SNX14: variants seen among roughly 807,000 people sequenced by gnomAD.
The protein encoded by SNX14 is sorting nexin-14.
Under a neutral mutation model 133.8 loss-of-function variants are expected in SNX14, and 93 were observed. The ratio of observed to expected loss-of-function variants is 0.70; its 90% confidence interval spans 0.59 to 0.83. SNX14 has a LOEUF of 0.83. Among genes scored for constraint, SNX14 ranks in the 40% least tolerant of loss-of-function variants. The pLI is 0.00. For synonymous variants in SNX14, 368 were observed against 365.6 expected (o/e 1.01, Z -0.07); for missense variants, 945 against 1,094.9 (o/e 0.86, Z 1.93).
chr6:85,549,958 G>C, intron 7 of SNX14, 79 bp from the exon 8 acceptor site: 1 of 1,293,636 alleles, frequency 7.7e-7, no homozygotes, highest in Non-Finnish European at 1.1e-6. Flanking sequence ...ACAAATAGAA[G>C]AGCATGGGCT....
chr6:85,582,643 T>C (rs1187464677), intron 1 of SNX14, among the ~76,000 whole-genome samples: 1 of 152,060 alleles, frequency 6.6e-6, no homozygotes, highest in Non-Finnish European at 1.5e-5. Flanking sequence ...GAGAATACTA[T>C]AAACACATCT....
At chr6:85,573,653 A>G (rs1228145881) in intron 2 of SNX14, among the ~76,000 whole-genome samples, 3 of 152,184 alleles carry the variant, frequency 2.0e-5, no homozygotes, top group East Asian at 3.9e-4. Flanking sequence ...GAAGCACACA[A>G]ACATTTAAGA....
At chr6:85,508,272 A>T in intron 26 of SNX14, 1 of 1,129,234 alleles carries the variant, frequency 8.9e-7, no homozygotes, top group Non-Finnish European at 1.1e-6. Context: ...CCATTTTTGG[A>T]GATTCACAAT....
rs141979500 is a variant in SNX14 at position 85,522,940 on chromosome 6, A to G, written c.2107+3186T>C. 1.8e-3 allele frequency among the ~76,000 whole-genome samples: 269 copies of G among 152,292 alleles called. 4 individuals carry two copies. The highest frequency in any genetic ancestry group is 6.4e-3 in the African/African-American group (264 of 41,546). On this transcript the variant is annotated intron_variant, in intron 21 of 28. Transcript: ENST00000314673. Reference sequence around the variant, plus strand: ...CCTGCCGATTTCTATTAATCTTTCAAGATTAGACAAATGATACCTTCCTAA... The same window carrying G: ...CCTGCCGATTTCTATTAATCTTTCAGGATTAGACAAATGATACCTTCCTAA...
intron 1 of SNX14, among the ~76,000 whole-genome samples, chr6:85,577,950 G>A (rs1367567073): frequency 1.3e-5 from 2 of 152,178 alleles, no homozygotes; most frequent in East Asian, 1.9e-4. Flanking sequence ...AGGCTACAAC[G>A]GATTGAGGAG....
At chr6:85,574,838 G>A (rs1021646580) in intron 1 of SNX14, among the ~76,000 whole-genome samples, 2 of 151,778 alleles carry the variant, frequency 1.3e-5, no homozygotes, top group Non-Finnish European at 2.9e-5. Flanking sequence ...GTGGTGATAC[G>A]TAAGTAAAAA....
intron 5 of SNX14, among the ~76,000 whole-genome samples, chr6:85,566,788 C>A (rs1001601985): frequency 1.3e-5 from 2 of 151,668 alleles, no homozygotes; most frequent in African/African-American, 4.8e-5. Flanking sequence ...TATGTATAAG[C>A]CATGGAGGTA....
intron 6 of SNX14, among the ~76,000 whole-genome samples, chr6:85,560,807 G>A (rs1791290899): frequency 6.6e-6 from 1 of 152,110 alleles, no homozygotes; most frequent in African/African-American, 2.4e-5. Context: ...ACCGAGGTGG[G>A]TGAATCACTT....
chr6:85,528,428 T>A (rs1779157994), intron 19 of SNX14, 66 bp from the exon 20 acceptor site: 6 of 1,268,078 alleles, frequency 4.7e-6, no homozygotes, highest in Non-Finnish European at 6.6e-6. Context: ...TTAAATTAGG[T>A]TTTAAAATTT....
intron 7 of SNX14, among the ~76,000 whole-genome samples, chr6:85,550,384 A>G (rs569474430): frequency 6.6e-6 from 1 of 152,354 alleles, no homozygotes; most frequent in East Asian, 1.9e-4. Context: ...AGTGGAAAAA[A>G]TTAGAGAAAA....
chr6:85,517,705 T>C, intron 23 of SNX14, 51 bp downstream of exon 23: 1 of 1,530,578 alleles, frequency 6.5e-7, no homozygotes, highest in South Asian at 1.3e-5. Context: ...AAAAGTAATC[T>C]CAAGTAGGGC....
chr6:85,565,236 T>C (rs1210994603), intron 6 of SNX14, 96 bp downstream of exon 6: 7 of 673,890 alleles, frequency 1.0e-5, no homozygotes, highest in African/African-American at 3.7e-5. Context: ...CCCACAAATA[T>C]GTACATTTGC....
intron 1 of SNX14, among the ~76,000 whole-genome samples, chr6:85,577,527 G>T (rs919219906): frequency 7.2e-5 from 11 of 152,152 alleles, no homozygotes; most frequent in Non-Finnish European, 1.3e-4. Flanking sequence ...TGTTCCACAA[G>T]CACCTAAATA....
intron 23 of SNX14, among the ~76,000 whole-genome samples, chr6:85,516,214 A>C (rs1338508690): frequency 6.6e-6 from 1 of 152,178 alleles, no homozygotes; most frequent in Non-Finnish European, 1.5e-5. Context: ...CCTTAAAATA[A>C]TCATTCCTAC....
At position 85,541,252 on chromosome 6, in the gene SNX14, C is replaced by T. The variant is rs187050231; in HGVS notation, c.1448+733G>A. ...AAGTGATCCCCACGTCTCGGCCTCA[C>T]AAAGTGCTGGGATTACAGGCGTGAG... On this transcript the variant is annotated intron_variant, in intron 15 of 28. Transcript: ENST00000314673. 1.2e-3 allele frequency among the ~76,000 whole-genome samples: 179 copies of T among 152,324 alleles called. 1 individual carries two copies. The highest frequency in any genetic ancestry group is 4.2e-3 in the African/African-American group (173 of 41,566).
At chr6:85,566,252 C>A (rs1793791539) in intron 5 of SNX14, among the ~76,000 whole-genome samples, 1 of 152,188 alleles carries the variant, frequency 6.6e-6, no homozygotes, top group Non-Finnish European at 1.5e-5. Context: ...AAGGCCTCAC[C>A]ATCAGCTTTA....
In SNX14 at chr6:85,533,731, G is replaced by T; in HGVS notation, c.1678C>A (p.Arg560=). Residue 560 remains arginine, a synonymous_variant, in exon 18 of 29, where the codon CGA becomes AGA. Transcript: ENST00000314673. ...CTAATTTTCCATGCAGCAAGGTTTC[G>T]GGGAGTATTAGGTGTGCTCACAGCC... ...VEAVSTPNTP[R]NLAAWKISIP... is the part of the protein sequence containing the mutation. 1 of 1,613,898 alleles carries T rather than the reference G, an allele frequency of 6.2e-7. No individual in the cohort carries two copies.
chr6:85,529,921 A>AC (rs1407526636), intron 19 of SNX14, among the ~76,000 whole-genome samples: 2 of 152,084 alleles, frequency 1.3e-5, no homozygotes, highest in African/African-American at 4.8e-5. Context: ...TAAATAGAGA[A>AC]CCCTTTCTAA....
At chr6:85,527,060 ACT>A (rs995587457) in intron 20 of SNX14, among the ~76,000 whole-genome samples, 4 of 152,046 alleles carry the variant, frequency 2.6e-5, no homozygotes, top group African/African-American at 7.2e-5. Flanking sequence ...CAAGAGCAAA[ACT>A]CTGTCTCAAA....
Sources: gnomAD v4.1 joint callset for allele counts (sites outside exome capture counted in the v4.1 genomes callset) on GRCh38, gnomAD v4.1.1 for gene constraint, MANE v1.5 for transcripts, NCBI Gene and HGNC (gene_info 2026-07-23, HGNC 2026-07-21) for gene names.